Variants in TAF1B observed in about 807,000 individuals in gnomAD.
The protein encoded by TAF1B is TATA-box binding protein associated factor, RNA polymerase I subunit B.
TAF1B carries 61 observed loss-of-function variants against 83.9 expected under a neutral mutation model. The observed-to-expected ratio is 0.73, with a 90% CI of 0.59 to 0.90. The LOEUF is 0.90. Among genes scored for constraint, TAF1B ranks in the 40% least tolerant of loss-of-function variants. TAF1B has a pLI of 0.00. For synonymous variants in TAF1B, 221 were observed against 224.6 expected (o/e 0.98, Z 0.14); for missense variants, 625 against 677.0 (o/e 0.92, Z 0.85).
At chr2:9,897,158 A>G (rs1423329264) in intron 8 of TAF1B, among the ~76,000 whole-genome samples, 1 of 152,206 alleles carries the variant, frequency 6.6e-6, no homozygotes, top group Non-Finnish European at 1.5e-5. Flanking sequence ...TTTCAGGGGC[A>G]CCATCTCTTC....
intron 5 of TAF1B, among the ~76,000 whole-genome samples, chr2:9,864,186 C>G (rs1663881951): frequency 6.6e-6 from 1 of 151,908 alleles, no homozygotes; most frequent in South Asian, 2.1e-4. Context: ...ATCAACAAAA[C>G]TGATAGACCG....
intron 2 of TAF1B, among the ~76,000 whole-genome samples, chr2:9,846,793 A>G (rs1023655088): frequency 6.6e-6 from 1 of 152,084 alleles, no homozygotes; most frequent in African/African-American, 2.4e-5. Context: ...GGGGTGATGG[A>G]GATATTTATT....
intron 14 of TAF1B, among the ~76,000 whole-genome samples, chr2:9,922,230 T>C (rs1285643908): frequency 6.6e-6 from 1 of 152,194 alleles, no homozygotes; most frequent in African/African-American, 2.4e-5. Flanking sequence ...TACTGATCTT[T>C]TCCTCTTCTC....
At chr2:9,898,280 T>C (rs1655870316) in intron 8 of TAF1B, among the ~76,000 whole-genome samples, 1 of 152,162 alleles carries the variant, frequency 6.6e-6, no homozygotes, top group South Asian at 2.1e-4. Context: ...TTAAGTATAG[T>C]GTGGGCTCTA....
chr2:9,846,286 C>T (rs1321353095), intron 2 of TAF1B: 1 of 364,166 alleles, frequency 2.7e-6, no homozygotes, highest in Non-Finnish European at 5.4e-6. Flanking sequence ...ACGAGGCTAC[C>T]TTCACATTGT....
rs1820965 is a variant in TAF1B, at chr2:9,919,641, G to T, written c.1386G>T (p.Glu462Asp). The T allele has an allele frequency of 0.63, 1,021,758 of 1,613,680 alleles. 333,978 individuals are homozygous for T. The highest frequency in any genetic ancestry group is 0.68 in the Non-Finnish European group (803,096 of 1,179,834). Residue 462 changes from glutamate to aspartate, a missense_variant, in exon 14 of 15, where the codon GAG (glutamate) becomes GAT (aspartate). Glu to Asp is a conservative substitution (Grantham distance 45). Transcript: ENST00000263663. ...AGAAACAATTTAGCACACTGGTCGAGTCAACAGCAACTGCTGGAAAAAAAA... is the reference window on the plus strand; with the variant it reads ...AGAAACAATTTAGCACACTGGTCGATTCAACAGCAACTGCTGGAAAAAAAA... ...NLQKQFSTLVESTATAGKKSP... is the reference protein window; with the variant it reads ...NLQKQFSTLVDSTATAGKKSP...
intron 8 of TAF1B, among the ~76,000 whole-genome samples, chr2:9,896,725 C>T (rs756196007): frequency 6.6e-6 from 1 of 151,578 alleles, no homozygotes; most frequent in Non-Finnish European, 1.5e-5. Flanking sequence ...AGTGGCCCCT[C>T]TGTCTTAATA....
At chr2:9,896,444 C>T (rs1410956492) in intron 8 of TAF1B, among the ~76,000 whole-genome samples, 1 of 152,102 alleles carries the variant, frequency 6.6e-6, no homozygotes, top group East Asian at 1.9e-4. Context: ...TAAGTCTTGG[C>T]TTCTTCAGCA....
At chr2:9,923,878 G>GT (rs931863222) in intron 14 of TAF1B, among the ~76,000 whole-genome samples, 4 of 152,228 alleles carry the variant, frequency 2.6e-5, no homozygotes, top group Admixed American at 1.3e-4. Context: ...ACAACTCCAA[G>GT]TGAAGACATG....
chr2:9,877,289 G>A (rs1266007098), intron 7 of TAF1B, among the ~76,000 whole-genome samples: 2 of 152,120 alleles, frequency 1.3e-5, no homozygotes, highest in Non-Finnish European at 2.9e-5. Context: ...TGTCTTTATG[G>A]TATCTCAGAA....
intron 7 of TAF1B, among the ~76,000 whole-genome samples, chr2:9,877,202 C>G (rs1300204167): frequency 6.6e-6 from 1 of 152,190 alleles, no homozygotes; most frequent in Non-Finnish European, 1.5e-5. Context: ...ATTTATATCT[C>G]TAGCCCAGAC....
intron 8 of TAF1B, among the ~76,000 whole-genome samples, chr2:9,890,601 T>C (rs1221585105): frequency 6.6e-6 from 1 of 152,182 alleles, no homozygotes; most frequent in Non-Finnish European, 1.5e-5. Context: ...CTATTTTTTT[T>C]CTTTTTTGAA....
chr2:9,860,956 G>C (rs1442678962), intron 5 of TAF1B, among the ~76,000 whole-genome samples: 4 of 152,190 alleles, frequency 2.6e-5, no homozygotes, highest in Non-Finnish European at 5.9e-5. Context: ...TTAAAAAGTG[G>C]GATAGAGGGG....
rs143483429 is a variant in TAF1B at position 9,928,592 on chromosome 2, T to G, written c.1566-5191T>G. 5.2e-3 allele frequency among the ~76,000 whole-genome samples: 799 copies of G among 152,362 alleles called. 4 individuals carry two copies. The highest frequency in any genetic ancestry group is 0.018 in the African/African-American group (760 of 41,584). The stretch of plus-strand genomic sequence containing the variant: ...TCCTTCACATCCCTTGTAAGTTGGA[T>G]TCCTAGGTATTTTATTCTTTTTGTA... On this transcript the variant is annotated intron_variant, in intron 14 of 14. Coordinates refer to ENST00000263663, the MANE Select transcript of TAF1B (RefSeq NM_005680.3).
rs912187870 is a variant in TAF1B, at chr2:9,884,745, G to T, written c.807+1940G>T. Among the ~76,000 whole-genome samples the T allele has an allele frequency of 2.6e-5, 4 of 152,260 alleles. No individual in the cohort carries two copies. In the East Asian group the frequency reaches 7.7e-4, roughly 29 times the overall value. On this transcript the variant is annotated intron_variant, in intron 8 of 14. Coordinates refer to ENST00000263663, the MANE Select transcript of TAF1B (RefSeq NM_005680.3). Reference sequence around the variant, plus strand: ...CAGAGAGGGGGCCCTGGAGTGGGTTGCTTCTCTCTAAAGCTGGTCATCCCT... The same window carrying T: ...CAGAGAGGGGGCCCTGGAGTGGGTTTCTTCTCTCTAAAGCTGGTCATCCCT...
At chr2:9,851,484 G>C (rs1176095881) in intron 3 of TAF1B, 57 bp from the exon 4 acceptor site, 1 of 1,320,092 alleles carries the variant, frequency 7.6e-7, no homozygotes, top group Non-Finnish European at 1.0e-6. Flanking sequence ...AACTGTAGTA[G>C]CATTAAAGTT....
intron 6 of TAF1B, chr2:9,868,820 T>G: frequency 5.1e-6 from 2 of 393,768 alleles, no homozygotes; most frequent in South Asian, 4.0e-5. Context: ...TTTCTAAGCA[T>G]AGACTAAATC....
chr2:9,877,154 C>T (rs1664344245), intron 7 of TAF1B, among the ~76,000 whole-genome samples: 1 of 152,124 alleles, frequency 6.6e-6, no homozygotes. Context: ...CTCATCTTTT[C>T]CCAACGCTTT....
chr2:9,867,564 A>G (rs911308045), intron 5 of TAF1B, among the ~76,000 whole-genome samples: 2 of 152,104 alleles, frequency 1.3e-5, no homozygotes, highest in African/African-American at 2.4e-5. Context: ...ATCTTCCTGT[A>G]ATAAGATCAA....
Sources: allele counts gnomAD v4.1 joint callset (sites outside exome capture counted in the v4.1 genomes callset), GRCh38; gene constraint gnomAD v4.1.1; transcripts MANE v1.5; gene names NCBI Gene and HGNC (gene_info 2026-07-23, HGNC 2026-07-21).